PACRG: variants seen among roughly 807,000 people sequenced by gnomAD.
PACRG encodes parkin coregulated.
A neutral mutation model predicts 29.7 loss-of-function variants in PACRG; 29 were observed. That is an observed-to-expected ratio of 0.98 (90% CI 0.73 to 1.33). The LOEUF is 1.33. PACRG is among the 40% of genes most tolerant of loss of function. PACRG has a pLI of 0.00. For missense variants in PACRG, 279 were observed against 316.2 expected, an observed-to-expected ratio of 0.88 and a Z score of 0.89; for synonymous variants, 116 against 118.7, an observed-to-expected ratio of 0.98 and a Z score of 0.15.
intron 1 of PACRG, among the ~76,000 whole-genome samples, chr6:162,763,040 G>T (rs565353995): frequency 6.6e-6 from 1 of 152,180 alleles, no homozygotes; most frequent in Non-Finnish European, 1.5e-5. Flanking sequence ...GATCCTGGCA[G>T]GTTCTGTGTT....
chr6:162,734,006 C>A (rs1284257193), intron 1 of PACRG, among the ~76,000 whole-genome samples: 1 of 152,164 alleles, frequency 6.6e-6, no homozygotes, highest in Non-Finnish European at 1.5e-5. Context: ...CCCATTGCTG[C>A]ATCCTCACCT....
At chr6:163,112,370 G>A (rs80163390) in intron 4 of PACRG, among the ~76,000 whole-genome samples, 1,717 of 152,276 alleles carry the variant, frequency 0.011, 27 homozygotes, top group African/African-American at 0.033. Context: ...GCCAGTGCAG[G>A]TGAAAAGGAC....
intron 4 of PACRG, among the ~76,000 whole-genome samples, chr6:163,252,811 T>C (rs997788585): frequency 6.6e-6 from 1 of 152,228 alleles, no homozygotes; most frequent in African/African-American, 2.4e-5. Context: ...GACTACGTTA[T>C]ACTCTTGTGC....
intron 4 of PACRG, among the ~76,000 whole-genome samples, chr6:163,284,516 A>G (rs11758874): frequency 0.15 from 22,302 of 152,312 alleles, 1,924 homozygotes; most frequent in Non-Finnish European, 0.2. Context: ...TAAAGCTCAT[A>G]GTGTGTTTAA....
chr6:163,117,276 A>C (rs1002400415), intron 4 of PACRG, among the ~76,000 whole-genome samples: 1 of 152,140 alleles, frequency 6.6e-6, no homozygotes, highest in African/African-American at 2.4e-5. Flanking sequence ...GTACAGAATT[A>C]CTGAGTGGCC....
chr6:163,200,279 G>A (rs6899639), intron 4 of PACRG, among the ~76,000 whole-genome samples: 56,798 of 151,492 alleles, frequency 0.37, 11,324 homozygotes, highest in African/African-American at 0.51. Context: ...TTAGTCCCCT[G>A]GGACTCTTGC....
chr6:163,018,534 T>G (rs1806311484), intron 2 of PACRG, among the ~76,000 whole-genome samples: 1 of 152,186 alleles, frequency 6.6e-6, no homozygotes, highest in Admixed American at 6.5e-5. Context: ...TGGCTCAAAT[T>G]TTTTTTCCTC....
At chr6:162,747,393 T>TAACTATAA (rs1781127611) in intron 1 of PACRG, among the ~76,000 whole-genome samples, 1 of 36,996 alleles carries the variant, frequency 2.7e-5, no homozygotes, top group African/African-American at 2.0e-4. Flanking sequence ...TATATATGTA[T>TAACTATAA]ATATATATGT....
chr6:162,764,444 G>T (rs1782623555), intron 1 of PACRG, among the ~76,000 whole-genome samples: 1 of 151,916 alleles, frequency 6.6e-6, no homozygotes, highest in Non-Finnish European at 1.5e-5. Context: ...GATTTATAAT[G>T]GGCTAATTTA....
intron 2 of PACRG, among the ~76,000 whole-genome samples, chr6:162,955,414 C>T (rs1330436255): frequency 6.6e-6 from 1 of 152,134 alleles, no homozygotes; most frequent in Non-Finnish European, 1.5e-5. Context: ...ATTCTCCTGC[C>T]TCAGCCTCCC....
chr6:162,812,448 C>T (rs78689646), intron 1 of PACRG, among the ~76,000 whole-genome samples: 2,715 of 152,092 alleles, frequency 0.018, 57 homozygotes, highest in Non-Finnish European at 0.027. Context: ...AATATTTGTT[C>T]ACACATTTAT....
At chr6:163,133,575 G>T (rs937151853) in intron 4 of PACRG, among the ~76,000 whole-genome samples, 3 of 152,198 alleles carry the variant, frequency 2.0e-5, no homozygotes, top group African/African-American at 7.2e-5. Context: ...CTTGGCAGGA[G>T]ACGTATTTCT....
intron 4 of PACRG, among the ~76,000 whole-genome samples, chr6:163,260,243 C>A (rs558281590): frequency 6.6e-6 from 1 of 152,362 alleles, no homozygotes; most frequent in South Asian, 2.1e-4. Context: ...CTGGCATGGG[C>A]TCTGCCTTGG....
intron 4 of PACRG, chr6:163,312,705 C>G (rs754373077): frequency 1.9e-5 from 7 of 375,596 alleles, no homozygotes; most frequent in South Asian, 1.2e-4. Context: ...GGGCAAGGAC[C>G]CTTTTGTTTC....
At chr6:163,300,579 G>A (rs185988818) in intron 4 of PACRG, among the ~76,000 whole-genome samples, 5 of 152,290 alleles carry the variant, frequency 3.3e-5, no homozygotes, top group Admixed American at 1.3e-4. Context: ...GGCCAGCAAC[G>A]GGCAAGGAGA....
At chr6:163,181,632 TACAG>T (rs1779673141) in intron 4 of PACRG, among the ~76,000 whole-genome samples, 1 of 82,844 alleles carries the variant, frequency 1.2e-5, no homozygotes, top group East Asian at 3.9e-4. Flanking sequence ...AAAAAAAAAA[TACAG>T]ACACATCTCC....
intron 4 of PACRG, chr6:163,190,828 C>T (rs932913908): frequency 3.2e-5 from 12 of 378,964 alleles, no homozygotes; most frequent in Non-Finnish European, 6.4e-5. Flanking sequence ...TTAACAACTT[C>T]GTCTTCTTTC....
chr6:162,770,225 C>G (rs1196259689), intron 1 of PACRG, among the ~76,000 whole-genome samples: 1 of 152,158 alleles, frequency 6.6e-6, no homozygotes, highest in Non-Finnish European at 1.5e-5. Flanking sequence ...CACCAGGTAT[C>G]CTTTTCCAAG....
At chr6:163,129,216 AAACAATT>A (rs1384192066) in intron 4 of PACRG, among the ~76,000 whole-genome samples, 20 of 152,218 alleles carry the variant, frequency 1.3e-4, no homozygotes, top group African/African-American at 4.6e-4. Context: ...ATTTGCATTT[AAACAATT>A]TGAGCGCGAT....
Sources: allele counts gnomAD v4.1 joint callset (sites outside exome capture counted in the v4.1 genomes callset), GRCh38; gene constraint gnomAD v4.1.1; transcripts MANE v1.5; gene names NCBI Gene and HGNC (gene_info 2026-07-23, HGNC 2026-07-21).